Variants in DSCAM observed in about 807,000 individuals in gnomAD.
DSCAM encodes the protein cell adhesion molecule DSCAM.
A neutral mutation model predicts 217.7 loss-of-function variants in DSCAM; 47 were observed. The observed-to-expected ratio is 0.22, with a 90% CI of 0.17 to 0.28. DSCAM has a LOEUF of 0.28. Among genes scored for constraint, DSCAM ranks in the 10% least tolerant of loss-of-function variants. The pLI is 1.00. For missense variants in DSCAM, 2,080 were observed against 2,618.3 expected (o/e 0.79, Z 4.49); for synonymous variants, 1,056 against 1,015.3 (o/e 1.04, Z -0.76).
At chr21:40,489,431 A>C (rs979596735) in intron 3 of DSCAM, among the ~76,000 whole-genome samples, 4 of 152,170 alleles carry the variant, frequency 2.6e-5, no homozygotes, top group Non-Finnish European at 4.4e-5. Flanking sequence ...TTCTGGATTT[A>C]TCAGCCTCCG....
At chr21:40,404,788 TCTC>T (rs1397888747) in intron 3 of DSCAM, among the ~76,000 whole-genome samples, 3 of 152,178 alleles carry the variant, frequency 2.0e-5, no homozygotes, top group Admixed American at 1.3e-4. Flanking sequence ...TCTAGGAAAG[TCTC>T]CTCAGTTTGC....
intron 1 of DSCAM, among the ~76,000 whole-genome samples, chr21:40,726,549 GA>G (rs34709502): frequency 7.7e-4 from 114 of 147,952 alleles, no homozygotes; most frequent in East Asian, 1.4e-3. Flanking sequence ...GCTTTAACAG[GA>G]AAAAAAAAAA....
rs1029079153 is a variant in DSCAM at position 40,680,023 on chromosome 21, G to T, written c.508+12787C>A. Among the ~76,000 whole-genome samples, 21 of 152,110 alleles carry T rather than the reference G, an allele frequency of 1.4e-4. No individual in the cohort carries two copies. The South Asian group carries it at 1.7e-3, about 12-fold the overall frequency. ...AAGATAATGATAATAATAATAAGAA[G>T]AAGAAGGACAATGACAAACATTAAT... On this transcript the variant is annotated intron_variant, in intron 3 of 32. Transcript: ENST00000400454.
chr21:40,336,436 T>C (rs2074430740), intron 8 of DSCAM, among the ~76,000 whole-genome samples: 1 of 152,010 alleles, frequency 6.6e-6, no homozygotes. Flanking sequence ...GACTTTCTGA[T>C]GAGATCATGG....
intron 9 of DSCAM, 71 bp from the exon 10 acceptor site, chr21:40,296,245 A>G: frequency 1.3e-6 from 2 of 1,514,498 alleles, no homozygotes; most frequent in Admixed American, 3.7e-5. Context: ...ATTCTAAGAA[A>G]CTGAATCATT....
At chr21:40,826,144 C>T (rs2091966893) in intron 1 of DSCAM, among the ~76,000 whole-genome samples, 1 of 152,214 alleles carries the variant, frequency 6.6e-6, no homozygotes, top group African/African-American at 2.4e-5. Flanking sequence ...CAAGGAGAAA[C>T]TGAACAATCA....
At position 40,236,783 on chromosome 21, in the gene DSCAM, G is replaced by A. The variant is rs188058881; in HGVS notation, c.2356+39314C>T. Among the ~76,000 whole-genome samples, 5 of 152,284 alleles carry A rather than the reference G, an allele frequency of 3.3e-5. No homozygotes were observed. The East Asian group carries it at 9.6e-4, about 29-fold the overall frequency. On this transcript the variant is annotated intron_variant, in intron 11 of 32. Transcript: ENST00000400454. The stretch of plus-strand genomic sequence containing the variant: ...GACTGATCTACAGTAAGCAGTCAGT[G>A]TCTACCTAATTACACTCAGATAACC...
chr21:40,708,625 C>T lies in DSCAM; in HGVS notation c.190G>A (p.Glu64Lys), dbSNP rs2146482812. 1 of 1,612,758 alleles carries T rather than the reference C, an allele frequency of 6.2e-7. No individual in the cohort carries two copies. Among genetic ancestry groups the T allele is most frequent in the East Asian group, 2.2e-5 (1 of 44,850 alleles). ...VTLRWYLATG[E>K]EIYDVPGIRH... The stretch of plus-strand genomic sequence containing the variant: ...ATCCCGGGGACATCGTAGATCTCCT[C>T]GCCCGTGGCTAGGTACCATCTGAGA... Residue 64 changes from glutamate (E) to lysine (K), a missense_variant, in exon 2 of 33, where the codon GAG becomes AAG. This residue lies in a region of DSCAM where 568 missense variants were observed against 678.1 expected (regional missense o/e 0.84). Coordinates refer to ENST00000400454, the MANE Select transcript of DSCAM (RefSeq NM_001389.5).
intron 15 of DSCAM, among the ~76,000 whole-genome samples, chr21:40,172,749 C>T (rs544608920): frequency 2.0e-5 from 3 of 152,202 alleles, no homozygotes; most frequent in Admixed American, 2.0e-4. Flanking sequence ...GGAGATTTGC[C>T]TTCTATGTGC....
intron 10 of DSCAM, among the ~76,000 whole-genome samples, chr21:40,284,391 T>C (rs1169095562): frequency 6.6e-6 from 1 of 152,204 alleles, no homozygotes; most frequent in Non-Finnish European, 1.5e-5. Context: ...AGATGCTGTA[T>C]GTTGATCTTT....
At chr21:40,399,011 A>G (rs1569104302) in intron 3 of DSCAM, among the ~76,000 whole-genome samples, 1 of 152,282 alleles carries the variant, frequency 6.6e-6, no homozygotes, top group African/African-American at 2.4e-5. Flanking sequence ...TCACTTACAC[A>G]TGTAATCCCA....
chr21:40,305,427 A>T (rs1344518829), intron 9 of DSCAM, among the ~76,000 whole-genome samples: 1 of 150,790 alleles, frequency 6.6e-6, no homozygotes, highest in Non-Finnish European at 1.5e-5. Context: ...AGAAAAGTGC[A>T]GAAGCTCTTT....
chr21:40,724,152 T>C (rs950415744), intron 1 of DSCAM, among the ~76,000 whole-genome samples: 2 of 152,212 alleles, frequency 1.3e-5, no homozygotes, highest in East Asian at 1.9e-4. Flanking sequence ...ATGAATAATA[T>C]GTATGTGGTT....
chr21:40,261,736 T>C (rs1438481595), intron 11 of DSCAM, among the ~76,000 whole-genome samples: 1 of 152,070 alleles, frequency 6.6e-6, no homozygotes, highest in South Asian at 2.1e-4. Context: ...GATATAAATA[T>C]GTATGCTAAT....
intron 9 of DSCAM, among the ~76,000 whole-genome samples, chr21:40,304,711 T>C (rs1344579882): frequency 1.3e-5 from 2 of 152,130 alleles, no homozygotes; most frequent in African/African-American, 2.4e-5. Context: ...TGTTATGTCT[T>C]AGGAAGTAGG....
At chr21:40,648,709 ACT>A in intron 3 of DSCAM, among the ~76,000 whole-genome samples, 1 of 152,108 alleles carries the variant, frequency 6.6e-6, no homozygotes, top group South Asian at 2.1e-4. Flanking sequence ...ATCAGCACAC[ACT>A]CTCCATTTTG....
intron 3 of DSCAM, among the ~76,000 whole-genome samples, chr21:40,625,290 G>C (rs973452019): frequency 9.2e-5 from 14 of 151,974 alleles, no homozygotes; most frequent in African/African-American, 3.4e-4. Flanking sequence ...GAAAGATCTT[G>C]GGGAATAAGA....
At chr21:40,288,429 T>A (rs2073853403) in intron 10 of DSCAM, among the ~76,000 whole-genome samples, 1 of 152,194 alleles carries the variant, frequency 6.6e-6, no homozygotes, top group Non-Finnish European at 1.5e-5. Context: ...TTAATATGCA[T>A]CTAGAAGGAA....
chr21:40,477,847 A>G (rs1161983811), intron 3 of DSCAM, among the ~76,000 whole-genome samples: 1 of 152,204 alleles, frequency 6.6e-6, no homozygotes, highest in Non-Finnish European at 1.5e-5. Flanking sequence ...TGTCTTTTTA[A>G]AAAACTTGTC....
Sources: allele counts gnomAD v4.1 joint callset (sites outside exome capture counted in the v4.1 genomes callset), GRCh38; gene constraint gnomAD v4.1.1; regional missense constraint gnomAD v4.1.1; transcripts MANE v1.5; gene names NCBI Gene and HGNC (gene_info 2026-07-23, HGNC 2026-07-21).